MED12L: variants seen among roughly 807,000 people sequenced by gnomAD.
MED12L encodes the protein mediator of RNA polymerase II transcription subunit 12-like protein.
MED12L carries 60 observed loss-of-function variants against 281.3 expected under a neutral mutation model. That is an observed-to-expected ratio of 0.21 (90% confidence interval 0.17 to 0.26). The LOEUF (loss-of-function observed/expected upper bound fraction) is 0.26, where lower values mean the gene tolerates loss of function less well. MED12L is among the 10% of genes least tolerant of loss of function. MED12L has a pLI of 1.00. For synonymous variants in MED12L, 974 were observed against 987.2 expected (o/e 0.99, Z 0.25); for missense variants, 2,146 against 2,680.9 (o/e 0.80, Z 4.41).
At position 151,098,976 on chromosome 3, in the gene MED12L, G is replaced by A. The variant is rs552622491; in HGVS notation, c.99+11951G>A. Among the ~76,000 whole-genome samples the A allele has an allele frequency of 3.9e-5, 6 of 152,264 alleles. No individual in the cohort carries two copies. The South Asian group carries it at 1.2e-3, about 32-fold the overall frequency. On this transcript the variant is annotated intron_variant, in intron 2 of 44. Coordinates refer to ENST00000687756, the MANE Select transcript of MED12L (RefSeq NM_001393769.1). ...GTCTTACATGGTGGCAGGCAAGAGA[G>A]AATGAGAACCAAGTGAAAGGGAAAA...
chr3:151,367,114 G>C (rs965973287), intron 23 of MED12L, among the ~76,000 whole-genome samples: 1 of 60,972 alleles, frequency 1.6e-5, no homozygotes, highest in African/African-American at 1.2e-4. Context: ...TTCCCCCTCT[G>C]TCCTTTTTCT....
chr3:151,147,057 A>G (rs950700531), intron 5 of MED12L, among the ~76,000 whole-genome samples: 1 of 152,220 alleles, frequency 6.6e-6, no homozygotes, highest in Non-Finnish European at 1.5e-5. Context: ...TTTATAGGGT[A>G]CAACTGATTA....
chr3:151,086,548 GT>G (rs1719231213), intron 1 of MED12L: 1 of 164,852 alleles, frequency 6.1e-6, no homozygotes, highest in Non-Finnish European at 1.3e-5. Flanking sequence ...GTGGGTTTGG[GT>G]CCATTGGTGA....
intron 2 of MED12L, among the ~76,000 whole-genome samples, chr3:151,111,866 C>T (rs940342919): frequency 6.6e-6 from 1 of 152,080 alleles, no homozygotes; most frequent in African/African-American, 2.4e-5. Context: ...GTTGTGGCTG[C>T]TACCATTGAG....
At chr3:151,229,168 G>A (rs1221087217) in intron 16 of MED12L, among the ~76,000 whole-genome samples, 1 of 152,160 alleles carries the variant, frequency 6.6e-6, no homozygotes, top group Admixed American at 6.5e-5. Flanking sequence ...TAGAAATACT[G>A]TACAGAAGTG....
intron 2 of MED12L, among the ~76,000 whole-genome samples, chr3:151,105,556 A>G (rs958993634): frequency 6.6e-6 from 1 of 152,048 alleles, no homozygotes; most frequent in African/African-American, 2.4e-5. Context: ...AAACACTCCT[A>G]GTTTCCTTCT....
chr3:151,238,377 C>T (rs542077434), intron 16 of MED12L, among the ~76,000 whole-genome samples: 1 of 152,158 alleles, frequency 6.6e-6, no homozygotes, highest in Non-Finnish European at 1.5e-5. Flanking sequence ...GAACTCCTGA[C>T]CTCAGGTGAT....
intron 2 of MED12L, among the ~76,000 whole-genome samples, chr3:151,097,573 T>C (rs1405474805): frequency 6.6e-6 from 1 of 152,190 alleles, no homozygotes; most frequent in Non-Finnish European, 1.5e-5. Context: ...GAGCATTAGA[T>C]ATAGTCCCAG....
At chr3:151,180,866 T>C (rs1722619131) in intron 11 of MED12L, among the ~76,000 whole-genome samples, 1 of 152,250 alleles carries the variant, frequency 6.6e-6, no homozygotes, top group African/African-American at 2.4e-5. Flanking sequence ...ATAGATACAA[T>C]GTTTGCTTTA....
intron 43 of MED12L, among the ~76,000 whole-genome samples, chr3:151,429,665 A>G (rs982693920): frequency 1.3e-5 from 2 of 152,148 alleles, no homozygotes; most frequent in African/African-American, 4.8e-5. Context: ...GTGGTCCCCT[A>G]TATTGTGCCT....
At chr3:151,312,588 T>A in intron 16 of MED12L, among the ~76,000 whole-genome samples, 1 of 152,188 alleles carries the variant, frequency 6.6e-6, no homozygotes, top group Non-Finnish European at 1.5e-5. Context: ...GAGACAGTAA[T>A]ATCTTTGACC....
chr3:151,110,938 G>A (rs1412519204), intron 2 of MED12L, among the ~76,000 whole-genome samples: 6 of 152,128 alleles, frequency 3.9e-5, no homozygotes, highest in African/African-American at 7.2e-5. Context: ...TGGAAACCCC[G>A]GTTTTCTAGA....
chr3:151,195,833 ACT>A (rs1312862883), intron 16 of MED12L, among the ~76,000 whole-genome samples: 2 of 152,212 alleles, frequency 1.3e-5, no homozygotes, highest in African/African-American at 4.8e-5. Flanking sequence ...GGCATATGGA[ACT>A]CTCTGTACTA....
chr3:151,097,186 C>G lies in MED12L; in HGVS notation c.99+10161C>G, dbSNP rs1206769209. Reference sequence around the variant, plus strand: ...GATACCCCCTTATTTATGGGCAGCTCTCTTGAGAGAGACGCACACAAGCGG... The same window carrying G: ...GATACCCCCTTATTTATGGGCAGCTGTCTTGAGAGAGACGCACACAAGCGG... On this transcript the variant is annotated intron_variant, in intron 2 of 44. Coordinates refer to ENST00000687756, the MANE Select transcript of MED12L (RefSeq NM_001393769.1). Among the ~76,000 whole-genome samples, 4 of 152,264 alleles carry G rather than the reference C, an allele frequency of 2.6e-5. No homozygotes were observed. The South Asian group carries it at 8.3e-4, about 32-fold the overall frequency.
intron 11 of MED12L, among the ~76,000 whole-genome samples, chr3:151,167,535 T>G (rs1305601292): frequency 6.6e-6 from 1 of 152,234 alleles, no homozygotes; most frequent in Non-Finnish European, 1.5e-5. Flanking sequence ...TATTCCAGAT[T>G]ATTATTCTTT....
chr3:151,426,998 T>G (rs1577628218), intron 43 of MED12L, among the ~76,000 whole-genome samples: 1 of 152,128 alleles, frequency 6.6e-6, no homozygotes, highest in Admixed American at 6.5e-5. Context: ...AGTAATTTTT[T>G]GTAGAGATGG....
intron 2 of MED12L, among the ~76,000 whole-genome samples, chr3:151,110,696 G>A (rs983477061): frequency 3.3e-5 from 5 of 152,178 alleles, no homozygotes; most frequent in African/African-American, 1.2e-4. Context: ...GTGTTCTATA[G>A]GAAGTTAAAG....
chr3:151,156,145 T>C lies in MED12L; in HGVS notation c.557-16T>C, dbSNP rs1334327843. On this transcript the variant is annotated splice_polypyrimidine_tract_variant and intron_variant, in intron 5 of 44. Coordinates refer to ENST00000687756, the MANE Select transcript of MED12L (RefSeq NM_001393769.1). ...TTGTGTCTAGAAACTCATATTTTTCTTTTTTTAAAATGCAGAGTGGACACA... is the reference window on the plus strand; with the variant it reads ...TTGTGTCTAGAAACTCATATTTTTCCTTTTTTAAAATGCAGAGTGGACACA... 1.3e-6 allele frequency: 2 copies of C among 1,575,114 alleles called. No individual in the cohort carries two copies. The highest frequency in any genetic ancestry group is 1.2e-5 in the South Asian group (1 of 85,062).
At chr3:151,255,779 C>T (rs150567322) in intron 16 of MED12L, among the ~76,000 whole-genome samples, 18 of 152,288 alleles carry the variant, frequency 1.2e-4, no homozygotes, top group African/African-American at 4.3e-4. Flanking sequence ...TGCTACATAA[C>T]GTGGCATATG....
Sources: gnomAD v4.1 joint callset for allele counts (sites outside exome capture counted in the v4.1 genomes callset) on GRCh38, gnomAD v4.1.1 for gene constraint, MANE v1.5 for transcripts, NCBI Gene and HGNC (gene_info 2026-07-23, HGNC 2026-07-21) for gene names.